Variants in COL4A3 observed in about 807,000 individuals in gnomAD.
The protein encoded by COL4A3 is collagen alpha-3(IV) chain.
Under a neutral mutation model 217.4 loss-of-function variants are expected in COL4A3, and 135 were observed. The observed-to-expected ratio is 0.62, with a 90% CI of 0.54 to 0.72. The LOEUF is 0.72. Ranked by LOEUF, COL4A3 falls within the 30% of genes least tolerant of loss-of-function variation. The pLI, the probability that COL4A3 is intolerant of heterozygous loss-of-function variation, is 0.00. For missense variants in COL4A3, 1,868 were observed against 2,119.9 expected (o/e 0.88, Z 2.33); for synonymous variants, 690 against 736.3 (o/e 0.94, Z 1.02).
At chr2:227,254,242 G>T in intron 14 of COL4A3, 68 bp downstream of exon 14, 1 of 1,385,184 alleles carries the variant, frequency 7.2e-7, no homozygotes, top group South Asian at 1.2e-5. Context: ...ACTTTGATGT[G>T]TGTTTTGTCT....
intron 43 of COL4A3, among the ~76,000 whole-genome samples, chr2:227,302,705 A>AAAAAAAAAAAAAAAAAAAAAAAAAAG (rs1491012971): frequency 7.0e-6 from 1 of 141,960 alleles, no homozygotes; most frequent in African/African-American, 2.6e-5. Context: ...AAAAAAAAAA[A>AAAAAAAAAAAAAAAAAAAAAAAAAAG]ATCATTCTGG....
intron 34 of COL4A3, among the ~76,000 whole-genome samples, chr2:227,287,454 G>A (rs554131247): frequency 8.6e-5 from 13 of 151,704 alleles, no homozygotes; most frequent in African/African-American, 3.1e-4. Context: ...TGTAAAACCC[G>A]TCTTTAACCC....
intron 20 of COL4A3, among the ~76,000 whole-genome samples, chr2:227,261,572 C>G (rs2070571089): frequency 6.6e-6 from 1 of 152,140 alleles, no homozygotes; most frequent in South Asian, 2.1e-4. Flanking sequence ...GTCATCTTTG[C>G]AATTTATAGT....
At chr2:227,290,162 C>G in intron 36 of COL4A3, 74 bp downstream of exon 36, 1 of 1,448,444 alleles carries the variant, frequency 6.9e-7, no homozygotes, top group South Asian at 1.2e-5. Flanking sequence ...GTGTTGTGTA[C>G]TGTTTTGGTT....
At position 227,244,961 on chromosome 2, in the gene COL4A3, G is replaced by T; in HGVS notation, c.290G>T (p.Gly97Val). 3 of 1,613,254 alleles carry T rather than the reference G, an allele frequency of 1.9e-6. No homozygotes were observed. Among genetic ancestry groups the T allele is most frequent in the Non-Finnish European group, 1.7e-6 (2 of 1,179,564 alleles). ...TTCCTATGTCTTCAGGGAATAAGTG[G>T]ATTGCCAGGATTTTCTGGTTCTCCT... Reference protein sequence around the residue: ...TGSKGVRGISGLPGFSGSPGL... With the variant: ...TGSKGVRGISVLPGFSGSPGL... The change falls in exon 5 of 52, where the codon GGA becomes GTA. Residue 97 changes from glycine (G) to valine (V), a missense_variant. Gly to Val is a moderately radical substitution (Grantham distance 109). This residue lies in a region of COL4A3 where 365 missense variants were observed against 333.8 expected (regional missense o/e 1.09). Transcript: ENST00000396578.
chr2:227,279,642 T>G, intron 28 of COL4A3, 151 bp from the exon 29 acceptor site: 1 of 563,446 alleles, frequency 1.8e-6, no homozygotes, highest in Non-Finnish European at 3.1e-6. Flanking sequence ...GATTTGGAAC[T>G]TTTAAAAAAT....
At chr2:227,203,109 G>A (rs866885022) in intron 1 of COL4A3, among the ~76,000 whole-genome samples, 1 of 42,680 alleles carries the variant, frequency 2.3e-5, no homozygotes, top group African/African-American at 1.2e-4. Context: ...ATACATATAT[G>A]TGTATATATG....
At chr2:227,169,927 T>C (rs1366784634) in intron 1 of COL4A3, among the ~76,000 whole-genome samples, 2 of 152,218 alleles carry the variant, frequency 1.3e-5, no homozygotes, top group Non-Finnish European at 2.9e-5. Context: ...ATTAAATCTA[T>C]GTCTGGTAGG....
intron 19 of COL4A3, chr2:227,260,184 G>A (rs1324567035): frequency 2.7e-5 from 14 of 515,674 alleles, no homozygotes; most frequent in Non-Finnish European, 4.7e-5. Flanking sequence ...ATGGGATTAC[G>A]AAGGGAAAAA....
chr2:227,266,582 T>A, intron 22 of COL4A3, 73 bp downstream of exon 22: 2 of 1,199,042 alleles, frequency 1.7e-6, no homozygotes, highest in African/African-American at 3.0e-5. Flanking sequence ...TTTTTCCCCC[T>A]GAGATAACAA....
At chr2:227,216,577 G>A (rs376162238) in intron 1 of COL4A3, among the ~76,000 whole-genome samples, 1 of 152,046 alleles carries the variant, frequency 6.6e-6, no homozygotes, top group South Asian at 2.1e-4. Flanking sequence ...AGAAAGGAAG[G>A]TAGAAAGCCT....
Position 227,282,590 on chromosome 2 carries a change from C to T in COL4A3, c.2656+58C>T. ...ATTTCTTCTTCTTCTTAAGGTGGCTCTGTCAACTGTACATAGGCATACGCT... is the reference window on the plus strand; with the variant it reads ...ATTTCTTCTTCTTCTTAAGGTGGCTTTGTCAACTGTACATAGGCATACGCT... On this transcript the variant is annotated intron_variant, in intron 32 of 51. Transcript: ENST00000396578. The surrounding 1 kb of genome is among the most constrained non-coding windows in gnomAD (Gnocchi z 4.4). The T allele has an allele frequency of 1.4e-6, 2 of 1,479,100 alleles. No individual in the cohort carries two copies. The highest frequency in any genetic ancestry group is 3.3e-5 in the Admixed American group (2 of 59,708). The allele number at this position is 1,479,100 out of a possible 1,614,324, so 91.6% of individuals were successfully genotyped here. A position where few individuals can be genotyped will look rare whatever the true frequency, so the allele number is the denominator to read the frequency against.
rs549203018 is a variant in COL4A3, at chr2:227,277,147, G to A, written c.2021-302G>A. Among the ~76,000 whole-genome samples, 6 of 152,066 alleles carry A rather than the reference G, an allele frequency of 3.9e-5. No homozygotes were observed. The East Asian group carries it at 7.8e-4, about 20-fold the overall frequency. On this transcript the variant is annotated intron_variant, in intron 27 of 51. Coordinates refer to ENST00000396578, the MANE Select transcript of COL4A3 (RefSeq NM_000091.5). Reference sequence around the variant, plus strand: ...AGTCTGGCTAACATGGTGAAACCTCGTCTCTACTAAAAATACAAAAAATTA... The same window carrying A: ...AGTCTGGCTAACATGGTGAAACCTCATCTCTACTAAAAATACAAAAAATTA...
At chr2:227,244,842 A>G (rs1444534203) in intron 4 of COL4A3, 109 bp from the exon 5 acceptor site, 2 of 1,132,258 alleles carry the variant, frequency 1.8e-6, no homozygotes, top group South Asian at 2.5e-5. Flanking sequence ...ATTCCCAGTT[A>G]TAGTGGAGGA....
At chr2:227,239,324 A>G (rs556086944) in intron 2 of COL4A3, among the ~76,000 whole-genome samples, 64 of 152,248 alleles carry the variant, frequency 4.2e-4, no homozygotes, top group Non-Finnish European at 7.9e-4. Context: ...GATTTAAGGT[A>G]TATGGAAGGA....
intron 1 of COL4A3, among the ~76,000 whole-genome samples, chr2:227,198,467 T>C (rs1389152220): frequency 6.6e-6 from 1 of 151,494 alleles, no homozygotes; most frequent in African/African-American, 2.4e-5. Flanking sequence ...CAAAATTAAG[T>C]TGAATATATT....
chr2:227,269,026 G>T (rs1275594301), intron 23 of COL4A3, among the ~76,000 whole-genome samples: 1 of 152,076 alleles, frequency 6.6e-6, no homozygotes, highest in Non-Finnish European at 1.5e-5. Flanking sequence ...ACTATAAAAA[G>T]ATACACCCCA....
chr2:227,187,326 A>G (rs2066069148), intron 1 of COL4A3, among the ~76,000 whole-genome samples: 1 of 152,184 alleles, frequency 6.6e-6, no homozygotes, highest in African/African-American at 2.4e-5. Flanking sequence ...TGATAATCAC[A>G]CAGTTGTGAC....
At chr2:227,274,603 A>C (rs1299181951) in intron 26 of COL4A3, among the ~76,000 whole-genome samples, 1 of 150,924 alleles carries the variant, frequency 6.6e-6, no homozygotes, top group African/African-American at 2.4e-5. Context: ...AATTCAAGTT[A>C]CTCTCCTGTC....
Sources: allele counts gnomAD v4.1 joint callset (sites outside exome capture counted in the v4.1 genomes callset), GRCh38; gene constraint gnomAD v4.1.1; regional missense constraint gnomAD v4.1.1; non-coding constraint Gnocchi (gnomAD v3.1); transcripts MANE v1.5; gene names NCBI Gene and HGNC (gene_info 2026-07-23, HGNC 2026-07-21).